The following BICC1 variants were observed in gnomAD, a reference collection of about 807,000 sequenced individuals.
The protein encoded by BICC1 is BicC family RNA binding protein 1.
A neutral mutation model predicts 111.0 loss-of-function variants in BICC1; 43 were observed. The observed-to-expected ratio is 0.39, with a 90% confidence interval of 0.30 to 0.50. The LOEUF (loss-of-function observed/expected upper bound fraction) is 0.50, where lower values mean the gene tolerates loss of function less well. Among genes scored for constraint, BICC1 ranks in the 20% least tolerant of loss-of-function variants. The pLI, the probability that BICC1 is intolerant of heterozygous loss-of-function variation, is 0.88. For missense variants in BICC1, 1,091 were observed against 1,203.2 expected (o/e 0.91, Z 1.38); for synonymous variants, 467 against 434.4 (o/e 1.07, Z -0.93).
At chr10:58,633,076 G>A (rs577801923) in intron 2 of BICC1, among the ~76,000 whole-genome samples, 16 of 152,160 alleles carry the variant, frequency 1.1e-4, no homozygotes, top group Non-Finnish European at 2.4e-4. Context: ...GGGGCCAGGT[G>A]GAGATAACTG....
intron 1 of BICC1, among the ~76,000 whole-genome samples, chr10:58,555,702 T>C (rs1843431559): frequency 6.6e-6 from 1 of 152,152 alleles, no homozygotes; most frequent in Non-Finnish European, 1.5e-5. Flanking sequence ...ACTCAAATGA[T>C]GGCCAAGCAG....
At chr10:58,740,715 G>A (rs1564586187) in intron 3 of BICC1, among the ~76,000 whole-genome samples, 1 of 152,178 alleles carries the variant, frequency 6.6e-6, no homozygotes, top group Non-Finnish European at 1.5e-5. Flanking sequence ...AGTGTCATGG[G>A]AGTCCACATG....
intron 2 of BICC1, among the ~76,000 whole-genome samples, chr10:58,672,089 A>G (rs1421659373): frequency 1.3e-5 from 2 of 152,194 alleles, no homozygotes; most frequent in African/African-American, 2.4e-5. Flanking sequence ...TAGCATATAC[A>G]TAACATGAAA....
intron 1 of BICC1, among the ~76,000 whole-genome samples, chr10:58,532,932 A>G (rs1388048600): frequency 4.6e-5 from 7 of 151,894 alleles, no homozygotes; most frequent in Non-Finnish European, 8.8e-5. Flanking sequence ...AATCAAAGCA[A>G]TGGCTACCAA....
chr10:58,595,649 A>G (rs1024202133), intron 1 of BICC1, among the ~76,000 whole-genome samples: 48 of 152,324 alleles, frequency 3.2e-4, no homozygotes, highest in Middle Eastern at 3.4e-3. Flanking sequence ...AGAAATAAAG[A>G]TGTTCTTTGA....
chr10:58,555,621 G>A (rs981638840), intron 1 of BICC1, among the ~76,000 whole-genome samples: 1 of 152,238 alleles, frequency 6.6e-6, no homozygotes, highest in Non-Finnish European at 1.5e-5. Context: ...GGAAGTTTCA[G>A]TGAGTGCTTG....
At chr10:58,621,525 C>T (rs564989965) in intron 2 of BICC1, among the ~76,000 whole-genome samples, 8 of 152,094 alleles carry the variant, frequency 5.3e-5, no homozygotes, top group South Asian at 2.1e-4. Flanking sequence ...CAAGAGAAGA[C>T]GAATAGGCTG....
chr10:58,528,967 G>C (rs749967282), intron 1 of BICC1, among the ~76,000 whole-genome samples: 1 of 151,906 alleles, frequency 6.6e-6, no homozygotes, highest in Non-Finnish European at 1.5e-5. Flanking sequence ...TCTCGGCTTT[G>C]GAGAAGCAAG....
chr10:58,788,109 G>C (rs1489352888), intron 5 of BICC1, among the ~76,000 whole-genome samples: 6 of 152,134 alleles, frequency 3.9e-5, no homozygotes, highest in Non-Finnish European at 8.8e-5. Context: ...TGATCTCCTG[G>C]GGGCTGTGGG....
chr10:58,610,483 T>C (rs2132104431), intron 1 of BICC1, among the ~76,000 whole-genome samples: 1 of 152,332 alleles, frequency 6.6e-6, no homozygotes, highest in Admixed American at 6.5e-5. Context: ...TCATAATCTT[T>C]CTAATTCTTA....
intron 1 of BICC1, among the ~76,000 whole-genome samples, chr10:58,513,889 G>T (rs1255988488): frequency 6.6e-6 from 1 of 152,210 alleles, no homozygotes; most frequent in Non-Finnish European, 1.5e-5. Context: ...GGATCGGGGT[G>T]AGCAGCCAAA....
At chr10:58,825,500 T>A (rs1477109811) in intron 20 of BICC1, among the ~76,000 whole-genome samples, 1 of 152,194 alleles carries the variant, frequency 6.6e-6, no homozygotes, top group African/African-American at 2.4e-5. Flanking sequence ...ACATCTATTA[T>A]AACATGTTAA....
chr10:58,702,205 G>A (rs1262879370), intron 3 of BICC1, 62 bp downstream of exon 3: 1 of 1,336,438 alleles, frequency 7.5e-7, no homozygotes, highest in Non-Finnish European at 1.1e-6. Context: ...AATTACTGCA[G>A]GTTTGCTGGG....
At chr10:58,648,324 CA>C (rs1423514814) in intron 2 of BICC1, among the ~76,000 whole-genome samples, 2 of 152,282 alleles carry the variant, frequency 1.3e-5, no homozygotes, top group African/African-American at 4.8e-5. Context: ...AGATTGTACA[CA>C]ACTCAGTGCT....
chr10:58,716,147 A>T, intron 3 of BICC1: 2 of 1,504,142 alleles, frequency 1.3e-6, no homozygotes, highest in Non-Finnish European at 1.8e-6. Context: ...TAAGAATCAG[A>T]GTATATTGAG....
intron 1 of BICC1, among the ~76,000 whole-genome samples, chr10:58,556,979 GT>G (rs1843466489): frequency 6.6e-6 from 1 of 152,062 alleles, no homozygotes. Flanking sequence ...ATTCATGAAT[GT>G]TACCTCGCGT....
chr10:58,728,062 T>C (rs1287144415), intron 3 of BICC1, among the ~76,000 whole-genome samples: 1 of 152,240 alleles, frequency 6.6e-6, no homozygotes, highest in East Asian at 1.9e-4. Context: ...TGATGGCTAC[T>C]GATTGATCAG....
At chr10:58,674,468 T>C (rs1388372847) in intron 2 of BICC1, among the ~76,000 whole-genome samples, 3 of 152,208 alleles carry the variant, frequency 2.0e-5, no homozygotes, top group Non-Finnish European at 4.4e-5. Flanking sequence ...TTGTGGAACA[T>C]ATATTTATGT....
intron 2 of BICC1, among the ~76,000 whole-genome samples, chr10:58,695,936 C>G (rs1840053366): frequency 6.6e-6 from 1 of 152,110 alleles, no homozygotes; most frequent in Non-Finnish European, 1.5e-5. Context: ...TTATTTTATT[C>G]TAACTTTAAC....
Sources: allele counts gnomAD v4.1 joint callset (sites outside exome capture counted in the v4.1 genomes callset), GRCh38; gene constraint gnomAD v4.1.1; transcripts MANE v1.5; gene names NCBI Gene and HGNC (gene_info 2026-07-23, HGNC 2026-07-21).